CCT3: variants seen among roughly 807,000 people sequenced by gnomAD.
The protein encoded by CCT3 is chaperonin containing TCP1 subunit 3.
In CCT3, 10 loss-of-function variants were observed where a neutral mutation model predicts 65.3. The ratio of observed to expected loss-of-function variants is 0.15; its 90% CI spans 0.09 to 0.26. The LOEUF is 0.26. Among genes scored for constraint, CCT3 ranks in the 10% least tolerant of loss-of-function variants. CCT3 has a pLI of 1.00. For synonymous variants in CCT3, 225 were observed against 242.3 expected (o/e 0.93, Z 0.66); for missense variants, 626 against 708.7 (o/e 0.88, Z 1.33).
Position 156,328,218 on chromosome 1 carries a change from G to A in CCT3, c.305-3129C>T, listed in dbSNP as rs1476105438. Among the ~76,000 whole-genome samples, 29 of 115,890 alleles carry A rather than the reference G, an allele frequency of 2.5e-4. 3 individuals are homozygous for A. Among genetic ancestry groups the A allele is most frequent in the African/African-American group, 7.6e-4 (27 of 35,488 alleles). 76.0% of individuals were successfully genotyped at this position (115,890 alleles called of 152,430 possible). A position where few individuals can be genotyped will look rare whatever the true frequency, so the allele number is the denominator to read the frequency against. On this transcript the variant is annotated intron_variant, in intron 5 of 13. Coordinates refer to ENST00000295688, the MANE Select transcript of CCT3 (RefSeq NM_005998.5). Reference sequence around the variant, plus strand: ...GGAGGTGGGGGGGGTCAGTCCCCCCGTCCGGGAGGGAGGTAGGGGGGTCAG... The same window carrying A: ...GGAGGTGGGGGGGGTCAGTCCCCCCATCCGGGAGGGAGGTAGGGGGGTCAG...
chr1:156,310,784 C>T (rs1315985492), intron 12 of CCT3, 95 bp from the exon 13 acceptor site: 2 of 1,480,146 alleles, frequency 1.4e-6, no homozygotes, highest in African/African-American at 1.4e-5. Flanking sequence ...ATGGAAGGGA[C>T]AGGGAAAAAT....
chr1:156,317,833 C>T (rs1161018980), intron 8 of CCT3, among the ~76,000 whole-genome samples: 3 of 152,034 alleles, frequency 2.0e-5, no homozygotes, highest in East Asian at 1.9e-4. Context: ...CTCAGCCTCC[C>T]GAGTAGCTGG....
intron 5 of CCT3, 48 bp from the exon 6 acceptor site, chr1:156,325,137 C>G: frequency 7.7e-7 from 1 of 1,293,032 alleles, no homozygotes; most frequent in African/African-American, 1.4e-5. Context: ...ATCTGGATAT[C>G]AAGGCAAGTA....
intron 7 of CCT3, among the ~76,000 whole-genome samples, chr1:156,319,346 G>A (rs1488610177): frequency 6.6e-6 from 1 of 151,812 alleles, no homozygotes; most frequent in African/African-American, 2.4e-5. Flanking sequence ...TCGATCTCCT[G>A]ACCTCGTGAT....
At chr1:156,329,546 C>T (rs1665015171) in intron 5 of CCT3, among the ~76,000 whole-genome samples, 2 of 151,890 alleles carry the variant, frequency 1.3e-5, no homozygotes, top group Non-Finnish European at 2.9e-5. Flanking sequence ...ACCTCGTGAT[C>T]TGCCCACCTT....
intron 6 of CCT3, among the ~76,000 whole-genome samples, chr1:156,322,720 G>A (rs1289999540): frequency 2.0e-5 from 3 of 152,000 alleles, no homozygotes; most frequent in African/African-American, 4.8e-5. Flanking sequence ...TTAGCCAGGC[G>A]TAGTGGCACA....
chr1:156,329,303 CTT>C (rs765770849), intron 5 of CCT3, among the ~76,000 whole-genome samples: 25,782 of 118,780 alleles, frequency 0.22, 2,271 homozygotes, highest in Non-Finnish European at 0.27. Flanking sequence ...GTATCCCCAT[CTT>C]TTTTTTTTTT....
chr1:156,327,752 G>A (rs1437946455), intron 5 of CCT3, among the ~76,000 whole-genome samples: 1 of 149,630 alleles, frequency 6.7e-6, no homozygotes. Flanking sequence ...GCCGCCCATC[G>A]TCTGGGATGT....
intron 1 of CCT3, chr1:156,337,887 A>G: frequency 9.4e-6 from 5 of 529,238 alleles, no homozygotes. Flanking sequence ...GGGCTGAGGG[A>G]CAGAACGCGG....
At chr1:156,333,379 C>G (rs1365365126) in intron 5 of CCT3, 168 bp downstream of exon 5, 20 of 583,806 alleles carry the variant, frequency 3.4e-5, no homozygotes, top group Admixed American at 5.8e-5. Context: ...CATAGCTCAC[C>G]CTATTCATAT....
intron 6 of CCT3, among the ~76,000 whole-genome samples, chr1:156,323,124 T>C (rs1664636518): frequency 6.6e-6 from 1 of 151,860 alleles, no homozygotes; most frequent in African/African-American, 2.4e-5. Context: ...CTGACCAACA[T>C]GGAGAAACCC....
intron 5 of CCT3, among the ~76,000 whole-genome samples, chr1:156,330,571 T>G (rs1570934122): frequency 6.6e-6 from 1 of 151,410 alleles, no homozygotes; most frequent in Non-Finnish European, 1.5e-5. Context: ...GGCTGAGGCA[T>G]GAGAATCACG....
intron 1 of CCT3, chr1:156,337,829 C>T (rs2101688369): frequency 2.4e-6 from 1 of 422,200 alleles, no homozygotes; most frequent in East Asian, 3.9e-5. Flanking sequence ...CGTGCAGCTA[C>T]ATAGCGACAA....
intron 13 of CCT3, among the ~76,000 whole-genome samples, chr1:156,310,168 G>A (rs1264126877): frequency 6.6e-6 from 1 of 151,856 alleles, no homozygotes; most frequent in Non-Finnish European, 1.5e-5. Context: ...ATACCTTAGA[G>A]GAATATTCTG....
intron 1 of CCT3, chr1:156,337,779 G>A (rs755064410): frequency 6.4e-5 from 19 of 295,420 alleles, no homozygotes; most frequent in Non-Finnish European, 9.6e-5. Flanking sequence ...AGAATATAAA[G>A]CTAGACCTAA....
chr1:156,310,832 G>C (rs1456326103), intron 12 of CCT3, 118 bp downstream of exon 12: 5 of 1,468,940 alleles, frequency 3.4e-6, no homozygotes, highest in Admixed American at 2.0e-5. Flanking sequence ...TAAAAGGAGA[G>C]AAAGATTTCA....
At chr1:156,325,497 C>A (rs1043163746) in intron 5 of CCT3, among the ~76,000 whole-genome samples, 1 of 151,874 alleles carries the variant, frequency 6.6e-6, no homozygotes, top group Non-Finnish European at 1.5e-5. Context: ...CATTGCACTC[C>A]AATCTGGGTG....
At chr1:156,328,039 T>G (rs866665975) in intron 5 of CCT3, among the ~76,000 whole-genome samples, 419 of 93,086 alleles carry the variant, frequency 4.5e-3, no homozygotes, top group Middle Eastern at 0.013. Context: ...GGGAGGGAGG[T>G]GGGGGTCCAG....
At chr1:156,325,633 G>A (rs551848428) in intron 5 of CCT3, among the ~76,000 whole-genome samples, 174 of 149,944 alleles carry the variant, frequency 1.2e-3, no homozygotes, top group African/African-American at 4.2e-3. Context: ...GCTGGAGTGC[G>A]GTGGCGCAAT....
Sources: allele counts gnomAD v4.1 joint callset (sites outside exome capture counted in the v4.1 genomes callset), GRCh38; gene constraint gnomAD v4.1.1; transcripts MANE v1.5; gene names NCBI Gene and HGNC (gene_info 2026-07-23, HGNC 2026-07-21).